SBF2: variants seen among roughly 807,000 people sequenced by gnomAD.
The protein encoded by SBF2 is myotubularin-related protein 13.
Under a neutral mutation model 225.2 loss-of-function variants are expected in SBF2, and 112 were observed. The observed-to-expected ratio is 0.50, with a 90% CI of 0.43 to 0.58. The LOEUF (loss-of-function observed/expected upper bound fraction) is 0.58, where lower values mean the gene tolerates loss of function less well. SBF2 is among the 20% of genes least tolerant of loss of function. The pLI is 0.00. For synonymous variants in SBF2, 763 were observed against 773.3 expected (o/e 0.99, Z 0.22); for missense variants, 1,996 against 2,206.2 (o/e 0.90, Z 1.91).
Position 9,789,301 on chromosome 11 carries a change from C to G in SBF2, c.4740G>C (p.Trp1580Cys). 6.2e-7 allele frequency: 1 copy of G among 1,614,086 alleles called. No homozygotes were observed. The highest frequency in any genetic ancestry group is 8.5e-7 in the Non-Finnish European group (1 of 1,179,994). Residue 1580 changes from tryptophan to cysteine, a missense_variant, in exon 35 of 40, where the codon TGG becomes TGC. Trp to Cys is a radical substitution (Grantham distance 215). Coordinates refer to ENST00000256190, the MANE Select transcript of SBF2 (RefSeq NM_030962.4). ...ACAGGGTCTCTTCTATGTAGTAATCCCACTTCTTGAGGCTAGAGACGTTTA... is the reference window on the plus strand; with the variant it reads ...ACAGGGTCTCTTCTATGTAGTAATCGCACTTCTTGAGGCTAGAGACGTTTA... ...PNVNVSSLKK[W>C]DYYIEETLST...
chr11:10,286,089 T>TGA lies in SBF2; in HGVS notation c.55+7925_55+7926insTC, dbSNP rs1565436765. ...GCAATCCACCCACCTCAGCCTCCCA[T>TGA]AGTGATGGGATTACAGGCGTGAGCT... is the stretch of plus-strand genomic sequence containing the variant. On this transcript the variant is annotated intron_variant, in intron 1 of 39. Transcript: ENST00000256190. Among the ~76,000 whole-genome samples the TGA allele has an allele frequency of 5.9e-5, 9 of 151,506 alleles. No individual in the cohort carries two copies. In the East Asian group the frequency reaches 1.6e-3, roughly 26 times the overall value.
chr11:9,868,127 A>G (rs1174771716), intron 17 of SBF2, among the ~76,000 whole-genome samples: 3 of 152,104 alleles, frequency 2.0e-5, no homozygotes, highest in African/African-American at 7.2e-5. Context: ...ATAAAAATGT[A>G]TACTTATGTA....
intron 29 of SBF2, 95 bp downstream of exon 29, chr11:9,816,744 TA>T (rs1175262758): frequency 4.2e-5 from 51 of 1,218,844 alleles, no homozygotes; most frequent in South Asian, 6.9e-5. Flanking sequence ...AATCATGCTG[TA>T]AAAAAAATTC....
chr11:10,141,306 G>C (rs1591052886), intron 2 of SBF2, among the ~76,000 whole-genome samples: 2 of 152,268 alleles, frequency 1.3e-5, no homozygotes, highest in Middle Eastern at 6.8e-3. Flanking sequence ...CTCTTGATGG[G>C]AATAGCTAAA....
At chr11:9,917,457 T>TA (rs1863194731) in intron 16 of SBF2, among the ~76,000 whole-genome samples, 1 of 151,308 alleles carries the variant, frequency 6.6e-6, no homozygotes, top group African/African-American at 2.5e-5. Flanking sequence ...TCAGCCTCCC[T>TA]AGTAGCTGGG....
Position 9,926,221 on chromosome 11 carries a change from C to T in SBF2, c.1861-30210G>A, listed in dbSNP as rs535149945. ...ACACTGCATAAGTAGAAAAATATTTCGGGTAGACTGTATTTGATTTTCCTG... is the reference window on the plus strand; with the variant it reads ...ACACTGCATAAGTAGAAAAATATTTTGGGTAGACTGTATTTGATTTTCCTG... On this transcript the variant is annotated intron_variant, in intron 16 of 39. Coordinates refer to ENST00000256190, the MANE Select transcript of SBF2 (RefSeq NM_030962.4). Among the ~76,000 whole-genome samples, 2 of 152,148 alleles carry T rather than the reference C, an allele frequency of 1.3e-5. 1 individual carries two copies. Among genetic ancestry groups the T allele is most frequent in the African/African-American group, 4.8e-5 (2 of 41,526 alleles).
chr11:10,208,928 T>A (rs1957838898), intron 1 of SBF2, among the ~76,000 whole-genome samples: 1 of 152,154 alleles, frequency 6.6e-6, no homozygotes, highest in Admixed American at 6.5e-5. Context: ...ATAAGACTAG[T>A]ACATAGCAAG....
intron 16 of SBF2, among the ~76,000 whole-genome samples, chr11:9,906,417 A>T (rs1862122703): frequency 6.6e-6 from 1 of 152,242 alleles, no homozygotes; most frequent in South Asian, 2.1e-4. Flanking sequence ...ATTTCAATCC[A>T]TGACCAATTA....
At chr11:9,867,960 T>C (rs1858372502) in intron 17 of SBF2, among the ~76,000 whole-genome samples, 1 of 152,084 alleles carries the variant, frequency 6.6e-6, no homozygotes, top group Non-Finnish European at 1.5e-5. Context: ...AGCAGGTGAT[T>C]ACAGTTAACA....
intron 13 of SBF2, among the ~76,000 whole-genome samples, chr11:9,969,148 C>A (rs1867160188): frequency 6.6e-6 from 1 of 152,166 alleles, no homozygotes; most frequent in African/African-American, 2.4e-5. Flanking sequence ...ATCATTTAGA[C>A]AAAAAGCTTA....
intron 17 of SBF2, among the ~76,000 whole-genome samples, chr11:9,860,899 A>G (rs1410677824): frequency 1.3e-5 from 2 of 152,234 alleles, no homozygotes; most frequent in Non-Finnish European, 2.9e-5. Context: ...AACATCTTTT[A>G]TTAAAACTTA....
At chr11:10,106,268 T>C (rs536453497) in intron 2 of SBF2, among the ~76,000 whole-genome samples, 33 of 152,018 alleles carry the variant, frequency 2.2e-4, no homozygotes, top group African/African-American at 6.0e-4. Context: ...ATAAAGAAAA[T>C]AAAGAAAAGA....
At chr11:9,969,411 A>G (rs1004929388) in intron 13 of SBF2, among the ~76,000 whole-genome samples, 1 of 152,152 alleles carries the variant, frequency 6.6e-6, no homozygotes, top group African/African-American at 2.4e-5. Flanking sequence ...GTTCATTCCA[A>G]TGGCTTGTCA....
intron 16 of SBF2, among the ~76,000 whole-genome samples, chr11:9,924,997 C>G (rs1428716926): frequency 6.6e-6 from 1 of 152,088 alleles, no homozygotes; most frequent in Non-Finnish European, 1.5e-5. Flanking sequence ...AGTTCTCCCT[C>G]CTCAGCCTCT....
chr11:9,784,812 C>G, intron 37 of SBF2: 2 of 507,226 alleles, frequency 3.9e-6, no homozygotes, highest in Non-Finnish European at 3.6e-6. Flanking sequence ...CTAGCATAAG[C>G]TGGATTTCTG....
intron 16 of SBF2, among the ~76,000 whole-genome samples, chr11:9,955,491 G>A (rs957578416): frequency 2.0e-5 from 3 of 151,860 alleles, no homozygotes; most frequent in Admixed American, 6.6e-5. Context: ...ATATTTAATC[G>A]CTAGCCAAAT....
chr11:10,257,718 C>T (rs966696729), intron 1 of SBF2, among the ~76,000 whole-genome samples: 1 of 139,774 alleles, frequency 7.2e-6, no homozygotes, highest in Non-Finnish European at 1.5e-5. Context: ...AGAGCTTGGT[C>T]AGGCACAGTG....
intron 2 of SBF2, among the ~76,000 whole-genome samples, chr11:10,157,622 G>A (rs1254959906): frequency 6.6e-6 from 1 of 152,108 alleles, no homozygotes; most frequent in Non-Finnish European, 1.5e-5. Context: ...AAGAAAATAA[G>A]CTTAGGGCTC....
intron 1 of SBF2, among the ~76,000 whole-genome samples, chr11:10,210,991 C>T (rs1419295395): frequency 4.0e-5 from 4 of 100,272 alleles, no homozygotes; most frequent in Non-Finnish European, 5.7e-5. Context: ...CCAGCCTGGG[C>T]GACAAGAGCA....
Sources: gnomAD v4.1 joint callset for allele counts (sites outside exome capture counted in the v4.1 genomes callset) on GRCh38, gnomAD v4.1.1 for gene constraint, MANE v1.5 for transcripts, NCBI Gene and HGNC (gene_info 2026-07-23, HGNC 2026-07-21) for gene names.